The following CNTNAP2 variants were observed in gnomAD, a reference collection of about 807,000 sequenced individuals.
CNTNAP2 encodes the protein contactin associated protein 2.
A neutral mutation model predicts 155.2 loss-of-function variants in CNTNAP2; 98 were observed. The observed-to-expected ratio is 0.63, with a 90% CI of 0.54 to 0.75. The LOEUF (loss-of-function observed/expected upper bound fraction) is 0.75, where lower values mean the gene tolerates loss of function less well. Among genes scored for constraint, CNTNAP2 ranks in the 30% least tolerant of loss-of-function variants. The pLI is 0.00. For synonymous variants in CNTNAP2, 651 were observed against 631.2 expected (o/e 1.03, Z -0.47); for missense variants, 1,727 against 1,688.1 (o/e 1.02, Z -0.40).
intron 2 of CNTNAP2, among the ~76,000 whole-genome samples, chr7:146,826,771 CTT>C (rs1485604885): frequency 6.6e-6 from 1 of 150,644 alleles, no homozygotes; most frequent in African/African-American, 2.5e-5. Context: ...TTGTTAATGA[CTT>C]AATTTTATGA....
At chr7:146,346,519 TAAAA>T (rs886293838) in intron 1 of CNTNAP2, among the ~76,000 whole-genome samples, 8 of 152,202 alleles carry the variant, frequency 5.3e-5, no homozygotes, top group South Asian at 4.1e-4. Flanking sequence ...CTGTCTCTAC[TAAAA>T]ATACACAAAT....
intron 23 of CNTNAP2, among the ~76,000 whole-genome samples, chr7:148,413,687 T>C (rs369846793): frequency 6.6e-6 from 1 of 152,000 alleles, no homozygotes; most frequent in African/African-American, 2.4e-5. Context: ...TCTCCAACTA[T>C]AATTGCAAAT....
intron 3 of CNTNAP2, among the ~76,000 whole-genome samples, chr7:146,906,644 C>T (rs904884499): frequency 6.6e-6 from 1 of 151,998 alleles, no homozygotes; most frequent in African/African-American, 2.4e-5. Flanking sequence ...CACCGAAAAC[C>T]CATCTGTACA....
chr7:147,552,076 G>C (rs531176823), intron 11 of CNTNAP2, among the ~76,000 whole-genome samples: 4 of 152,276 alleles, frequency 2.6e-5, no homozygotes, highest in African/African-American at 9.6e-5. Context: ...CATATGGACT[G>C]TAAGTTACAG....
At chr7:147,132,621 T>A in intron 8 of CNTNAP2, 112 bp downstream of exon 8, 1 of 1,391,628 alleles carries the variant, frequency 7.2e-7, no homozygotes, top group East Asian at 2.4e-5. Flanking sequence ...AGGTTTTAAT[T>A]CAGATCTTCA....
intron 3 of CNTNAP2, among the ~76,000 whole-genome samples, chr7:146,917,517 A>G (rs537905219): frequency 4.6e-5 from 7 of 152,222 alleles, no homozygotes; most frequent in East Asian, 3.9e-4. Flanking sequence ...ACTTAGGATT[A>G]TGATATTTTC....
chr7:148,090,002 G>A (rs184192112), intron 15 of CNTNAP2, among the ~76,000 whole-genome samples: 41 of 151,908 alleles, frequency 2.7e-4, no homozygotes, highest in African/African-American at 9.4e-4. Context: ...TTTTGACAAA[G>A]GTGCCAAAAT....
intron 10 of CNTNAP2, among the ~76,000 whole-genome samples, chr7:147,472,607 T>A (rs1798245096): frequency 6.6e-6 from 1 of 152,110 alleles, no homozygotes; most frequent in Admixed American, 6.6e-5. Context: ...GAAGGGGCAG[T>A]CTAGTCAAGA....
chr7:146,174,985 A>G (rs542002388), intron 1 of CNTNAP2, among the ~76,000 whole-genome samples: 242 of 152,344 alleles, frequency 1.6e-3, no homozygotes, highest in Non-Finnish European at 3.2e-3. Context: ...TTGTAAATCC[A>G]GGATTACATG....
intron 2 of CNTNAP2, among the ~76,000 whole-genome samples, chr7:146,832,032 C>T (rs926204827): frequency 2.0e-5 from 3 of 152,066 alleles, no homozygotes; most frequent in Admixed American, 6.5e-5. Context: ...TGGATATAGC[C>T]CTCTTCCCTG....
chr7:148,184,009 C>T (rs903038278), intron 18 of CNTNAP2, among the ~76,000 whole-genome samples: 5 of 152,076 alleles, frequency 3.3e-5, no homozygotes, highest in East Asian at 1.9e-4. Flanking sequence ...TCAAAATACA[C>T]GTCTCCTTGC....
At chr7:147,242,986 C>CTTTTT (rs1563130639) in intron 8 of CNTNAP2, among the ~76,000 whole-genome samples, 7 of 42,158 alleles carry the variant, frequency 1.7e-4, no homozygotes, top group African/African-American at 5.5e-4. Context: ...CTATGCTTTG[C>CTTTTT]ATTTTTTTTT....
intron 1 of CNTNAP2, among the ~76,000 whole-genome samples, chr7:146,125,048 C>T (rs2116725223): frequency 6.6e-6 from 1 of 152,262 alleles, no homozygotes; most frequent in South Asian, 2.1e-4. Flanking sequence ...TTAATGTCCT[C>T]ATCCCTAAAG....
intron 15 of CNTNAP2, among the ~76,000 whole-genome samples, chr7:148,080,215 T>C (rs1803568072): frequency 6.6e-6 from 1 of 152,212 alleles, no homozygotes; most frequent in Admixed American, 6.5e-5. Context: ...GCCACTAAGA[T>C]GTCAGGGTTG....
Position 146,657,014 on chromosome 7 carries a change from C to A in CNTNAP2, c.98-117257C>A, listed in dbSNP as rs565952808. Among the ~76,000 whole-genome samples, 4 of 152,228 alleles carry A rather than the reference C, an allele frequency of 2.6e-5. No homozygotes were observed. The East Asian group carries it at 7.7e-4, about 29-fold the overall frequency. On this transcript the variant is annotated intron_variant, in intron 1 of 23. Transcript: ENST00000361727. ...TGACTCATATGATATCACTTTGCTG[C>A]AAACAGATTAAGCTACTAATGAAGA... is the stretch of plus-strand genomic sequence containing the variant.
intron 1 of CNTNAP2, among the ~76,000 whole-genome samples, chr7:146,248,865 A>G (rs897075091): frequency 1.3e-5 from 2 of 152,148 alleles, no homozygotes; most frequent in African/African-American, 4.8e-5. Context: ...TGTGAGCAAT[A>G]AAAGCTTTTA....
chr7:146,975,180 C>G (rs1584760378), intron 3 of CNTNAP2, among the ~76,000 whole-genome samples: 1 of 151,782 alleles, frequency 6.6e-6, no homozygotes, highest in Admixed American at 6.6e-5. Flanking sequence ...GACAGTAGCT[C>G]ACGGCTGGGC....
intron 15 of CNTNAP2, among the ~76,000 whole-genome samples, chr7:148,104,312 C>G (rs1804164556): frequency 6.6e-6 from 1 of 152,126 alleles, no homozygotes; most frequent in African/African-American, 2.4e-5. Context: ...TCATATCAAC[C>G]CATTACCCTG....
chr7:147,358,111 G>T (rs1796092804), intron 9 of CNTNAP2, among the ~76,000 whole-genome samples: 1 of 152,094 alleles, frequency 6.6e-6, no homozygotes, highest in African/African-American at 2.4e-5. Flanking sequence ...AGCCCTGAAG[G>T]TAAATGTAAC....
Sources: gnomAD v4.1 joint callset for allele counts (sites outside exome capture counted in the v4.1 genomes callset) on GRCh38, gnomAD v4.1.1 for gene constraint, MANE v1.5 for transcripts, NCBI Gene and HGNC (gene_info 2026-07-23, HGNC 2026-07-21) for gene names.